The following UBE3C variants were observed in gnomAD, a reference collection of about 807,000 sequenced individuals.
UBE3C encodes the protein ubiquitin-protein ligase E3C.
Under a neutral mutation model 129.4 loss-of-function variants are expected in UBE3C, and 42 were observed. The ratio of observed to expected loss-of-function variants is 0.32; its 90% CI spans 0.25 to 0.42. UBE3C has a LOEUF of 0.42. Among genes scored for constraint, UBE3C ranks in the 10% least tolerant of loss-of-function variants. The probability of loss-of-function intolerance (pLI) is 1.00; values close to 1 mark genes in which losing one functional copy is unlikely to be tolerated. For synonymous variants in UBE3C, 510 were observed against 492.4 expected (o/e 1.04, Z -0.47); for missense variants, 1,049 against 1,319.1 (o/e 0.80, Z 3.17).
chr7:157,154,106 G>C (rs1005316288), intron 1 of UBE3C, among the ~76,000 whole-genome samples: 1 of 152,022 alleles, frequency 6.6e-6, no homozygotes, highest in Non-Finnish European at 1.5e-5. Flanking sequence ...GGTGGATCAC[G>C]AGGTCAGGAG....
At chr7:157,251,781 T>C (rs1045199739) in intron 19 of UBE3C, among the ~76,000 whole-genome samples, 1 of 152,168 alleles carries the variant, frequency 6.6e-6, no homozygotes, top group Non-Finnish European at 1.5e-5. Flanking sequence ...TAAGTACACA[T>C]AGTTGTTTAG....
chr7:157,205,327 T>C (rs1809402254), intron 11 of UBE3C, among the ~76,000 whole-genome samples: 1 of 152,156 alleles, frequency 6.6e-6, no homozygotes, highest in Admixed American at 6.5e-5. Flanking sequence ...GTTGGTTAAT[T>C]ACCCTGTCCC....
intron 10 of UBE3C, among the ~76,000 whole-genome samples, chr7:157,198,766 C>T (rs1308163665): frequency 6.6e-6 from 1 of 152,170 alleles, no homozygotes; most frequent in Non-Finnish European, 1.5e-5. Flanking sequence ...AACCCCTGAC[C>T]TCAGGTGGTT....
intron 22 of UBE3C, 132 bp downstream of exon 22, chr7:157,257,176 G>A (rs1409381295): frequency 3.4e-5 from 43 of 1,271,552 alleles, no homozygotes; most frequent in Non-Finnish European, 4.5e-5. Flanking sequence ...TTTTAATTAA[G>A]TACTGGTTAT....
At chr7:157,214,275 A>C (rs566696980) in intron 13 of UBE3C, among the ~76,000 whole-genome samples, 2 of 152,358 alleles carry the variant, frequency 1.3e-5, no homozygotes, top group Admixed American at 6.5e-5. Flanking sequence ...TAGTAGAAGA[A>C]TGTAAATGAG....
At chr7:157,250,763 G>C (rs149862896) in intron 19 of UBE3C, among the ~76,000 whole-genome samples, 1 of 152,218 alleles carries the variant, frequency 6.6e-6, no homozygotes, top group Non-Finnish European at 1.5e-5. Flanking sequence ...GGAAGTACTC[G>C]ACATCCAGTG....
intron 22 of UBE3C, among the ~76,000 whole-genome samples, chr7:157,266,182 C>T (rs772465840): frequency 4.5e-4 from 69 of 152,022 alleles, no homozygotes; most frequent in Non-Finnish European, 8.2e-4. Flanking sequence ...GGCGTGGTGG[C>T]GGGAGCCTGT....
At chr7:157,252,037 G>A (rs1796632393) in intron 19 of UBE3C, among the ~76,000 whole-genome samples, 1 of 152,030 alleles carries the variant, frequency 6.6e-6, no homozygotes, top group South Asian at 2.1e-4. Flanking sequence ...TCGGGAGGCT[G>A]AAGCACAAGA....
chr7:157,180,346 A>G (rs1178532541), intron 6 of UBE3C, among the ~76,000 whole-genome samples: 1 of 152,210 alleles, frequency 6.6e-6, no homozygotes, highest in Non-Finnish European at 1.5e-5. Flanking sequence ...TGTATTTTTT[A>G]AAATTCTTGA....
At chr7:157,157,717 G>A (rs150180285) in intron 1 of UBE3C, among the ~76,000 whole-genome samples, 1 of 152,308 alleles carries the variant, frequency 6.6e-6, no homozygotes, top group Admixed American at 6.5e-5. Flanking sequence ...GCTCATGCCT[G>A]TAATTCTAGC....
chr7:157,206,417 C>T (rs1385868840), intron 11 of UBE3C, among the ~76,000 whole-genome samples: 3 of 151,722 alleles, frequency 2.0e-5, no homozygotes, highest in Non-Finnish European at 4.4e-5. Context: ...CACGTGCCAC[C>T]ACACCCAGCT....
At position 157,142,677 on chromosome 7, in the gene UBE3C, C is replaced by T. The variant is rs976893130; in HGVS notation, c.66+3339C>T. 3.9e-5 allele frequency among the ~76,000 whole-genome samples: 6 copies of T among 151,980 alleles called. 1 individual carries two copies. The Middle Eastern group carries it at 0.014, about 345-fold the overall frequency. On this transcript the variant is annotated intron_variant, in intron 1 of 22. Transcript: ENST00000348165. ...GACATAAAGATGGGATGATAGACAC[C>T]AGGGACTACTAGAGGGGGAAAGAGA... is the stretch of plus-strand genomic sequence containing the variant.
intron 2 of UBE3C, among the ~76,000 whole-genome samples, chr7:157,165,337 C>T (rs1268419960): frequency 4.6e-5 from 7 of 151,056 alleles, no homozygotes; most frequent in Non-Finnish European, 1.0e-4. Context: ...ATCTCTGCTT[C>T]AGTTTGGATA....
At chr7:157,171,682 ATATATTTTTTTTTTTTTTTTTTTTT>A (rs1171516257) in intron 4 of UBE3C, among the ~76,000 whole-genome samples, 37 of 44,972 alleles carry the variant, frequency 8.2e-4, no homozygotes, top group African/African-American at 2.2e-3. Flanking sequence ...ATATATATAT[ATATATTTTTTTTTTTTTTTTTTTTT>A]TTTTTTTTTT....
At chr7:157,140,015 C>T in intron 1 of UBE3C, 3 of 985,382 alleles carry the variant, frequency 3.0e-6, no homozygotes, top group South Asian at 4.7e-5. Flanking sequence ...AAGTTGTTCG[C>T]ATGGTAATTG....
At chr7:157,227,456 T>A (rs920807989) in intron 17 of UBE3C, among the ~76,000 whole-genome samples, 1 of 152,016 alleles carries the variant, frequency 6.6e-6, no homozygotes, top group South Asian at 2.1e-4. Context: ...CCCAGCACTT[T>A]GGGAGGCTGA....
At position 157,204,180 on chromosome 7, in the gene UBE3C, T is replaced by G. The variant is rs564595011; in HGVS notation, c.1418+2373T>G. Among the ~76,000 whole-genome samples the G allele has an allele frequency of 4.4e-4, 67 of 152,276 alleles. 2 individuals carry two copies. Among genetic ancestry groups the G allele is most frequent in the Admixed American group, 5.2e-4 (8 of 15,294 alleles). ...GGCACCATCTGTAAATGTCTCATAT[T>G]TCCTACTGGGAATAAAGTTTAAAAT... is the stretch of plus-strand genomic sequence containing the variant. On this transcript the variant is annotated intron_variant, in intron 11 of 22. Transcript: ENST00000348165.
chr7:157,183,977 C>T lies in UBE3C; in HGVS notation c.1091C>T (p.Ser364Leu). 1.2e-6 allele frequency: 2 copies of T among 1,614,200 alleles called. No homozygotes were observed. The highest frequency in any genetic ancestry group is 1.7e-6 in the Non-Finnish European group (2 of 1,180,038). Residue 364 changes from serine (S) to leucine (L), a missense_variant, in exon 9 of 23, where the codon TCA becomes TTA. Transcript: ENST00000348165. The part of the protein sequence containing the change: ...VSPASASCHD[S>L]ASDSEEESEE... The stretch of plus-strand genomic sequence containing the variant: ...CCTGCCAGCGCGAGCTGTCACGACT[C>T]AGCCAGTGACTCTGAGGAGGAGAGT...
intron 6 of UBE3C, 49 bp downstream of exon 6, chr7:157,178,896 G>A (rs1368073517): frequency 1.9e-6 from 3 of 1,594,862 alleles, no homozygotes; most frequent in Non-Finnish European, 2.6e-6. Flanking sequence ...CTGATGGGGA[G>A]TGAGCAGAGG....
Sources: allele counts gnomAD v4.1 joint callset (sites outside exome capture counted in the v4.1 genomes callset), GRCh38; gene constraint gnomAD v4.1.1; transcripts MANE v1.5; gene names NCBI Gene and HGNC (gene_info 2026-07-23, HGNC 2026-07-21).